PTPRO: variants seen among roughly 807,000 people sequenced by gnomAD.
PTPRO encodes receptor-type tyrosine-protein phosphatase O.
Under a neutral mutation model 145.2 loss-of-function variants are expected in PTPRO, and 62 were observed. That is an observed-to-expected ratio of 0.43 (90% CI 0.35 to 0.53). The LOEUF is 0.53. Among genes scored for constraint, PTPRO ranks in the 20% least tolerant of loss-of-function variants. The pLI, the probability that PTPRO is intolerant of heterozygous loss-of-function variation, is 0.01. For synonymous variants in PTPRO, 565 were observed against 514.7 expected (o/e 1.10, Z -1.32); for missense variants, 1,345 against 1,482.7 (o/e 0.91, Z 1.53).
chr12:15,386,673 A>G (rs938743667), intron 1 of PTPRO, among the ~76,000 whole-genome samples: 12 of 152,210 alleles, frequency 7.9e-5, no homozygotes, highest in African/African-American at 2.9e-4. Context: ...TAAAGGTGAA[A>G]AAATATTCTT....
chr12:15,429,212 G>C (rs1940366440), intron 1 of PTPRO, among the ~76,000 whole-genome samples: 1 of 152,168 alleles, frequency 6.6e-6, no homozygotes, highest in African/African-American at 2.4e-5. Context: ...GCTGGGGCTT[G>C]AGATAGAAAT....
chr12:15,524,729 C>T (rs1460782239), intron 10 of PTPRO, 85 bp from the exon 11 acceptor site: 5 of 1,429,908 alleles, frequency 3.5e-6, no homozygotes, highest in Non-Finnish European at 9.8e-7. Flanking sequence ...GCTAAGTTGA[C>T]TCTATATGGG....
At chr12:15,389,276 T>G (rs1939122299) in intron 1 of PTPRO, among the ~76,000 whole-genome samples, 1 of 151,662 alleles carries the variant, frequency 6.6e-6, no homozygotes, top group Admixed American at 6.6e-5. Context: ...GCTAATTTTG[T>G]TTTTGTATTT....
chr12:15,517,064 T>C, intron 9 of PTPRO, 108 bp downstream of exon 9: 1 of 1,062,006 alleles, frequency 9.4e-7, no homozygotes, highest in Non-Finnish European at 1.5e-6. Flanking sequence ...ATTTTGTAAA[T>C]ACACATAGTG....
intron 12 of PTPRO, among the ~76,000 whole-genome samples, chr12:15,530,510 A>T (rs1006435549): frequency 9.2e-5 from 14 of 152,302 alleles, no homozygotes; most frequent in African/African-American, 3.4e-4. Context: ...CAAAAAGTAC[A>T]TATCATATCA....
chr12:15,443,701 G>A (rs978858277), intron 1 of PTPRO, among the ~76,000 whole-genome samples: 3 of 151,764 alleles, frequency 2.0e-5, no homozygotes, highest in African/African-American at 7.3e-5. Flanking sequence ...GAACAGACAC[G>A]CCTCAAAAGA....
At chr12:15,390,819 T>C (rs1939169618) in intron 1 of PTPRO, among the ~76,000 whole-genome samples, 1 of 152,180 alleles carries the variant, frequency 6.6e-6, no homozygotes, top group Admixed American at 6.5e-5. Context: ...CTGCTCAGGC[T>C]ACTATAACAA....
At chr12:15,366,699 G>T (rs762541814) in intron 1 of PTPRO, among the ~76,000 whole-genome samples, 5 of 152,090 alleles carry the variant, frequency 3.3e-5, no homozygotes, top group Non-Finnish European at 7.4e-5. Flanking sequence ...ATAATTGTTT[G>T]TTGGCTGAAA....
chr12:15,380,865 TAGAA>T (rs1938839985), intron 1 of PTPRO, among the ~76,000 whole-genome samples: 1 of 152,144 alleles, frequency 6.6e-6, no homozygotes, highest in South Asian at 2.1e-4. Context: ...TCACTGGTCT[TAGAA>T]AGAACATTCA....
At chr12:15,495,872 GT>G (rs1225502193) in intron 2 of PTPRO, among the ~76,000 whole-genome samples, 1 of 152,108 alleles carries the variant, frequency 6.6e-6, no homozygotes, top group Non-Finnish European at 1.5e-5. Context: ...TTATTTATAG[GT>G]TTTCTGTCAT....
At position 15,565,589 on chromosome 12, in the gene PTPRO, T is replaced by C. The variant is rs1306344513; in HGVS notation, c.2712-4T>C. The C allele has an allele frequency of 2.1e-6, 3 of 1,452,048 alleles. No individual in the cohort carries two copies. Among genetic ancestry groups the C allele is most frequent in the Non-Finnish European group, 2.9e-6 (3 of 1,036,952 alleles). The allele number at this position is 1,452,048 out of a possible 1,614,324, so 89.9% of individuals were successfully genotyped here. ...AAATTTGTCTTTTCTTTTTTAATTA[T>C]CAGGAGTAAAAATGGTTTAAAGAAG... On this transcript the variant is annotated splice_region_variant and splice_polypyrimidine_tract_variant and intron_variant, in intron 17 of 26. Coordinates refer to ENST00000281171, the MANE Select transcript of PTPRO (RefSeq NM_030667.3).
At chr12:15,524,095 A>T (rs1443819884) in intron 10 of PTPRO, among the ~76,000 whole-genome samples, 3 of 151,776 alleles carry the variant, frequency 2.0e-5, no homozygotes, top group Admixed American at 1.3e-4. Context: ...TTAAATTTTT[A>T]AAAATTTAAA....
chr12:15,337,178 T>C (rs573224962), intron 1 of PTPRO, among the ~76,000 whole-genome samples: 1 of 152,258 alleles, frequency 6.6e-6, no homozygotes, highest in South Asian at 2.1e-4. Flanking sequence ...GCAGGAATAG[T>C]AGAGACTTCA....
chr12:15,593,312 T>C (rs1020863804), intron 25 of PTPRO, among the ~76,000 whole-genome samples: 3 of 152,260 alleles, frequency 2.0e-5, no homozygotes, highest in Non-Finnish European at 4.4e-5. Context: ...TAAAATCCTA[T>C]GAATATTTTG....
intron 1 of PTPRO, among the ~76,000 whole-genome samples, chr12:15,440,746 A>T (rs550441245): frequency 6.6e-6 from 1 of 152,336 alleles, no homozygotes; most frequent in Non-Finnish European, 1.5e-5. Flanking sequence ...CTGATAAAAC[A>T]TACTTTAAGC....
chr12:15,506,168 C>T (rs957773496), intron 6 of PTPRO, among the ~76,000 whole-genome samples: 2 of 152,158 alleles, frequency 1.3e-5, no homozygotes, highest in African/African-American at 4.8e-5. Context: ...TTACTCCAAC[C>T]TCCACCCTCT....
chr12:15,404,797 T>C (rs1234821189), intron 1 of PTPRO, among the ~76,000 whole-genome samples: 1 of 152,206 alleles, frequency 6.6e-6, no homozygotes, highest in Non-Finnish European at 1.5e-5. Flanking sequence ...ATCTCAACAT[T>C]TGGCAACAGA....
At chr12:15,591,968 C>G (rs1944563027) in intron 25 of PTPRO, among the ~76,000 whole-genome samples, 1 of 152,128 alleles carries the variant, frequency 6.6e-6, no homozygotes, top group Non-Finnish European at 1.5e-5. Context: ...AGTTCAAAGT[C>G]AGCAAAGGGG....
intron 16 of PTPRO, among the ~76,000 whole-genome samples, chr12:15,559,988 T>G (rs1385229005): frequency 6.6e-6 from 1 of 152,154 alleles, no homozygotes; most frequent in Non-Finnish European, 1.5e-5. Flanking sequence ...AGGTCATGTG[T>G]GAATAAAAAC....
Sources: gnomAD v4.1 joint callset for allele counts (sites outside exome capture counted in the v4.1 genomes callset) on GRCh38, gnomAD v4.1.1 for gene constraint, MANE v1.5 for transcripts, NCBI Gene and HGNC (gene_info 2026-07-23, HGNC 2026-07-21) for gene names.